Variants in GRID1 observed in about 807,000 individuals in gnomAD.
GRID1 encodes glutamate ionotropic receptor delta type subunit 1, also known as glutamate receptor ionotropic, delta-1.
In GRID1, 28 loss-of-function variants were observed where a neutral mutation model predicts 98.0. That is an observed-to-expected ratio of 0.29 (90% confidence interval 0.21 to 0.39). GRID1 has a LOEUF of 0.39. Ranked by LOEUF, GRID1 falls within the 10% of genes least tolerant of loss-of-function variation. The pLI, the probability that GRID1 is intolerant of heterozygous loss-of-function variation, is 1.00. For synonymous variants in GRID1, 553 were observed against 538.5 expected (o/e 1.03, Z -0.37); for missense variants, 1,111 against 1,340.5 (o/e 0.83, Z 2.67).
At chr10:85,866,530 T>C (rs1189396658) in intron 6 of GRID1, among the ~76,000 whole-genome samples, 1 of 152,002 alleles carries the variant, frequency 6.6e-6, no homozygotes, top group Non-Finnish European at 1.5e-5. Flanking sequence ...AAATCTGAAA[T>C]ACCCCAATGG....
intron 12 of GRID1, among the ~76,000 whole-genome samples, chr10:85,721,816 A>C (rs1841705827): frequency 6.6e-6 from 1 of 152,224 alleles, no homozygotes; most frequent in African/African-American, 2.4e-5. Context: ...TAAGTGATAA[A>C]ATAGTATAGA....
At chr10:86,340,936 A>C (rs1848301680) in intron 2 of GRID1, among the ~76,000 whole-genome samples, 1 of 152,140 alleles carries the variant, frequency 6.6e-6, no homozygotes, top group Admixed American at 6.5e-5. Flanking sequence ...GTCAAGGACC[A>C]CAGGCAGCCC....
intron 8 of GRID1, among the ~76,000 whole-genome samples, chr10:85,849,817 T>G (rs1843040900): frequency 6.6e-6 from 1 of 152,160 alleles, no homozygotes; most frequent in Non-Finnish European, 1.5e-5. Flanking sequence ...TGTGCTTCTA[T>G]GACTGTTTAA....
At chr10:85,682,055 AAGAAAGAC>A (rs1425947819) in intron 12 of GRID1, among the ~76,000 whole-genome samples, 1 of 152,154 alleles carries the variant, frequency 6.6e-6, no homozygotes, top group East Asian at 1.9e-4. Flanking sequence ...TAATAAGAAC[AAGAAAGAC>A]AGACATGCCT....
intron 4 of GRID1, among the ~76,000 whole-genome samples, chr10:86,092,643 A>T (rs1398374630): frequency 6.6e-6 from 1 of 152,204 alleles, no homozygotes; most frequent in Non-Finnish European, 1.5e-5. Context: ...ACAAGGAGGG[A>T]CAGTGTATAA....
intron 4 of GRID1, among the ~76,000 whole-genome samples, chr10:86,049,327 C>T (rs977703784): frequency 2.0e-5 from 3 of 152,190 alleles, no homozygotes; most frequent in African/African-American, 7.2e-5. Context: ...TTGTATTGAT[C>T]CATATCAAAT....
chr10:85,755,218 A>G (rs1842085279), intron 8 of GRID1, among the ~76,000 whole-genome samples: 1 of 152,218 alleles, frequency 6.6e-6, no homozygotes, highest in South Asian at 2.1e-4. Flanking sequence ...TTGAAGCAAA[A>G]CAAACCACCC....
At chr10:85,782,386 C>G (rs1842389471) in intron 8 of GRID1, among the ~76,000 whole-genome samples, 1 of 152,150 alleles carries the variant, frequency 6.6e-6, no homozygotes, top group Admixed American at 6.5e-5. Context: ...AACAGAATTT[C>G]TTCATTCATT....
intron 3 of GRID1, among the ~76,000 whole-genome samples, chr10:86,182,156 G>A (rs1845665027): frequency 6.6e-6 from 1 of 152,206 alleles, no homozygotes; most frequent in African/African-American, 2.4e-5. Context: ...ACTATGGGGT[G>A]AGACCATGGC....
intron 5 of GRID1, among the ~76,000 whole-genome samples, chr10:85,899,494 G>A (rs1239244918): frequency 6.6e-6 from 1 of 152,134 alleles, no homozygotes; most frequent in African/African-American, 2.4e-5. Context: ...TAAAATCCAG[G>A]AACCTTTGCA....
rs76581939 is a variant in GRID1, at chr10:86,151,972, A to T, written c.521-12948T>A. On this transcript the variant is annotated intron_variant, in intron 3 of 15. Transcript: ENST00000327946. ...AACCAGGCCATGCCCTATCGTGGATACTAGAGAGAAGGATCAGACCCTGTC... is the reference window on the plus strand; with the variant it reads ...AACCAGGCCATGCCCTATCGTGGATTCTAGAGAGAAGGATCAGACCCTGTC... 4.6e-3 allele frequency among the ~76,000 whole-genome samples: 693 copies of T among 152,300 alleles called. 22 individuals carry two copies. In the East Asian group the frequency reaches 0.08, roughly 18 times the overall value.
intron 12 of GRID1, among the ~76,000 whole-genome samples, chr10:85,677,661 T>A (rs1041326886): frequency 1.4e-4 from 22 of 152,168 alleles, no homozygotes; most frequent in Non-Finnish European, 1.6e-4. Context: ...TCTCAATACT[T>A]TTCTGGAATT....
rs1796904477 is a variant in GRID1 at position 86,195,485 on chromosome 10, C to G, written c.520+10879G>C. Among the ~76,000 whole-genome samples, 1 of 152,074 alleles carries G rather than the reference C, an allele frequency of 6.6e-6. No individual in the cohort carries two copies. Among genetic ancestry groups the G allele is most frequent in the African/African-American group, 2.4e-5 (1 of 41,428 alleles). On this transcript the variant is annotated intron_variant, in intron 3 of 15. Transcript: ENST00000327946. This position sits in a 1 kb window ranked among gnomAD's most constrained non-coding sequence, Gnocchi z 4.4. ...TGTCTCTCTAAGAAGACATTAGAAG[C>G]CTCTGCAAATTCTCTCTGGATGTGT...
chr10:86,206,366 T>C lies in GRID1; in HGVS notation c.518A>G (p.Tyr173Cys). 1 of 1,594,004 alleles carries C rather than the reference T, an allele frequency of 6.3e-7. No homozygotes were observed. Among genetic ancestry groups the C allele is most frequent in the Non-Finnish European group, 8.6e-7 (1 of 1,166,296 alleles). The change falls in exon 3 of 16, where the codon TAT becomes TGT. Residue 173 changes from tyrosine to cysteine, a missense_variant and splice_region_variant. Physicochemically the swap from Tyr to Cys is radical, Grantham distance 194 (BLOSUM62 -2). Around this residue, in one of 3 missense-constraint regions of GRID1, gnomAD observed 346 missense variants for 452.3 expected, o/e 0.76. Coordinates refer to ENST00000327946, the MANE Select transcript of GRID1 (RefSeq NM_017551.3). The surrounding 1 kb of genome is among the most constrained non-coding windows in gnomAD (Gnocchi z 4.1). ...AGCTCGCCTGCCGGACAACTCACCA[T>C]ACTCGCTGTCGTAGAACATGACGAA... is the stretch of plus-strand genomic sequence containing the variant. ...QKFVMFYDSE[Y>C]DIRGLQSFLD... is the part of the protein sequence containing the mutation.
At chr10:86,314,988 C>T (rs1212670733) in intron 2 of GRID1, among the ~76,000 whole-genome samples, 1 of 116,622 alleles carries the variant, frequency 8.6e-6, no homozygotes, top group Admixed American at 9.5e-5. Context: ...GTAACCTGTC[C>T]TTCCCAGGAC....
intron 8 of GRID1, among the ~76,000 whole-genome samples, chr10:85,733,765 C>T (rs900721874): frequency 2.6e-5 from 4 of 151,856 alleles, no homozygotes. Context: ...AAGTAAAGAA[C>T]CAGGATATAA....
In GRID1 at chr10:85,930,424, A is replaced by T. The variant is rs538449403; in HGVS notation, c.727-14185T>A. 5.3e-5 allele frequency among the ~76,000 whole-genome samples: 8 copies of T among 151,192 alleles called. No homozygotes were observed. In the South Asian group the frequency reaches 1.7e-3, roughly 31 times the overall value. ...TTATATTATATTTATAATATAATGT[A>T]CTTTTCCAAATGCTCAATGCAACAA... On this transcript the variant is annotated intron_variant, in intron 4 of 15. Coordinates refer to ENST00000327946, the MANE Select transcript of GRID1 (RefSeq NM_017551.3).
At chr10:85,768,154 C>T (rs978916369) in intron 8 of GRID1, among the ~76,000 whole-genome samples, 3 of 152,020 alleles carry the variant, frequency 2.0e-5, no homozygotes, top group Non-Finnish European at 4.4e-5. Flanking sequence ...ATGACCAACC[C>T]CTAAGGAAGT....
chr10:85,781,792 A>G (rs1440777932), intron 8 of GRID1, among the ~76,000 whole-genome samples: 4 of 150,222 alleles, frequency 2.7e-5, no homozygotes, highest in Non-Finnish European at 5.9e-5. Context: ...AAAGAGAGAT[A>G]TATTGTACAT....
Sources: allele counts gnomAD v4.1 joint callset (sites outside exome capture counted in the v4.1 genomes callset), GRCh38; gene constraint gnomAD v4.1.1; regional missense constraint gnomAD v4.1.1; non-coding constraint Gnocchi (gnomAD v3.1); transcripts MANE v1.5; gene names NCBI Gene and HGNC (gene_info 2026-07-23, HGNC 2026-07-21).